GMDS: variants seen among roughly 807,000 people sequenced by gnomAD.
GMDS encodes GDP-mannose 4,6-dehydratase.
Under a neutral mutation model 49.9 loss-of-function variants are expected in GMDS, and 20 were observed. The ratio of observed to expected loss-of-function variants is 0.40; its 90% CI spans 0.28 to 0.58. The LOEUF (loss-of-function observed/expected upper bound fraction) is 0.58, where lower values mean the gene tolerates loss of function less well. Ranked by LOEUF, GMDS falls within the 20% of genes least tolerant of loss-of-function variation. The pLI, the probability that GMDS is intolerant of heterozygous loss-of-function variation, is 0.42. For missense variants in GMDS, 362 were observed against 481.4 expected (o/e 0.75, Z 2.32); for synonymous variants, 177 against 178.6 (o/e 0.99, Z 0.07).
chr6:2,075,267 GA>G (rs1772263847), intron 4 of GMDS, among the ~76,000 whole-genome samples: 1 of 151,828 alleles, frequency 6.6e-6, no homozygotes, highest in Non-Finnish European at 1.5e-5. Flanking sequence ...TTTTTTACAG[GA>G]AAGTGGATTT....
At chr6:2,161,879 T>G (rs1289781104) in intron 1 of GMDS, among the ~76,000 whole-genome samples, 1 of 152,164 alleles carries the variant, frequency 6.6e-6, no homozygotes, top group African/African-American at 2.4e-5. Flanking sequence ...AGCCAAGACC[T>G]CATTCAAGCA....
chr6:1,721,083 A>G (rs952712455), intron 9 of GMDS, among the ~76,000 whole-genome samples: 10 of 152,194 alleles, frequency 6.6e-5, no homozygotes, highest in Non-Finnish European at 5.9e-5. Context: ...TGAGGTCTGG[A>G]AAGTGTTACA....
intron 7 of GMDS, among the ~76,000 whole-genome samples, chr6:1,893,908 C>G (rs369546737): frequency 6.6e-6 from 1 of 152,154 alleles, no homozygotes; most frequent in East Asian, 1.9e-4. Flanking sequence ...CTTTGCCCAG[C>G]CCCGCTGGCA....
chr6:1,930,239 A>G lies in GMDS; in HGVS notation c.644-9T>C. The G allele has an allele frequency of 6.2e-7, 1 of 1,612,028 alleles. No homozygotes were observed. The highest frequency in any genetic ancestry group is 8.5e-7 in the Non-Finnish European group (1 of 1,178,754). On this transcript the variant is annotated splice_polypyrimidine_tract_variant and intron_variant, in intron 6 of 10. Transcript: ENST00000380815. ...AGTAACGAAATTAGCTCCTAAAAAG[A>G]GGCAAAAGATGTAGTATCAGTCAAG...
chr6:2,059,726 A>AAAAAAAAAAAAAAAAG (rs1771024357), intron 4 of GMDS, among the ~76,000 whole-genome samples: 1 of 140,820 alleles, frequency 7.1e-6, no homozygotes, highest in Non-Finnish European at 1.5e-5. Context: ...AAAAAAAAAA[A>AAAAAAAAAAAAAAAAG]ATGCACTACT....
intron 7 of GMDS, among the ~76,000 whole-genome samples, chr6:1,890,936 C>T (rs2113839995): frequency 6.6e-6 from 1 of 152,284 alleles, no homozygotes; most frequent in East Asian, 1.9e-4. Flanking sequence ...AGCTAGGATC[C>T]ATTTTGAGTT....
chr6:1,827,209 ACACT>A (rs1771163341), intron 7 of GMDS, among the ~76,000 whole-genome samples: 1 of 151,680 alleles, frequency 6.6e-6, no homozygotes, highest in Non-Finnish European at 1.5e-5. Flanking sequence ...TCCTGGATAC[ACACT>A]CGCTTCAAGG....
At chr6:1,653,156 T>C (rs1271725995) in intron 9 of GMDS, among the ~76,000 whole-genome samples, 1 of 151,944 alleles carries the variant, frequency 6.6e-6, no homozygotes, top group Non-Finnish European at 1.5e-5. Flanking sequence ...CCATCTACAC[T>C]CTTATTTGTA....
At chr6:1,855,964 T>C (rs1757920970) in intron 7 of GMDS, among the ~76,000 whole-genome samples, 1 of 152,178 alleles carries the variant, frequency 6.6e-6, no homozygotes, top group Admixed American at 6.5e-5. Context: ...TATAAATACA[T>C]ATTCATACAG....
chr6:1,817,118 C>T (rs557188815), intron 7 of GMDS, among the ~76,000 whole-genome samples: 1 of 150,468 alleles, frequency 6.6e-6, no homozygotes, highest in South Asian at 2.1e-4. Context: ...TACACACACA[C>T]ACACACACAC....
intron 7 of GMDS, among the ~76,000 whole-genome samples, chr6:1,849,927 T>C (rs373792008): frequency 3.9e-5 from 6 of 152,164 alleles, no homozygotes; most frequent in Admixed American, 6.5e-5. Flanking sequence ...TTTTGCAAAA[T>C]AGGAAGTTCG....
intron 8 of GMDS, among the ~76,000 whole-genome samples, chr6:1,730,954 G>A (rs1199226196): frequency 6.6e-6 from 1 of 152,024 alleles, no homozygotes; most frequent in South Asian, 2.1e-4. Flanking sequence ...GAACAAGCAG[G>A]GGGAGGAGAA....
At chr6:1,928,657 T>C (rs866134162) in intron 7 of GMDS, among the ~76,000 whole-genome samples, 10 of 152,250 alleles carry the variant, frequency 6.6e-5, no homozygotes, top group Middle Eastern at 3.4e-3. Flanking sequence ...TTTGTAATTA[T>C]AGCTTAGAAG....
At position 1,821,619 on chromosome 6, in the gene GMDS, T is replaced by G. The variant is rs1354085501; in HGVS notation, c.772-79033A>C. On this transcript the variant is annotated intron_variant, in intron 7 of 10. Transcript: ENST00000380815. ...CTGCTAACAATTTATTTGTTTTTTT[T>G]TTTTTTTTTTTTTTTTTTTACCAAG... Among the ~76,000 whole-genome samples, 11 of 40,448 alleles carry G rather than the reference T, an allele frequency of 2.7e-4. No individual in the cohort carries two copies. In the East Asian group the frequency reaches 3.6e-3, roughly 13 times the overall value. 26.5% of individuals were successfully genotyped at this position (40,448 alleles called of 152,430 possible).
chr6:1,922,451 G>C (rs529532666), intron 7 of GMDS, among the ~76,000 whole-genome samples: 21 of 152,304 alleles, frequency 1.4e-4, no homozygotes, highest in African/African-American at 5.1e-4. Flanking sequence ...GCAGACAGGG[G>C]CAGGTCCCTG....
intron 7 of GMDS, among the ~76,000 whole-genome samples, chr6:1,825,091 A>C (rs1771050453): frequency 6.6e-6 from 1 of 152,186 alleles, no homozygotes; most frequent in Non-Finnish European, 1.5e-5. Flanking sequence ...GAGATGTTAG[A>C]TCCTTCACTT....
At chr6:2,130,598 G>A (rs1775681999) in intron 1 of GMDS, among the ~76,000 whole-genome samples, 1 of 152,196 alleles carries the variant, frequency 6.6e-6, no homozygotes, top group Non-Finnish European at 1.5e-5. Context: ...ATTGGGTGAT[G>A]AGTGTAAGGC....
intron 4 of GMDS, 107 bp from the exon 5 acceptor site, chr6:1,961,073 G>A: frequency 1.8e-6 from 1 of 554,138 alleles, no homozygotes; most frequent in African/African-American, 1.8e-5. Context: ...ATGTTGGTGA[G>A]AAAATATTAT....
At chr6:1,819,202 C>T (rs1770789077) in intron 7 of GMDS, among the ~76,000 whole-genome samples, 1 of 151,876 alleles carries the variant, frequency 6.6e-6, no homozygotes, top group South Asian at 2.1e-4. Context: ...GCAGTGGCCA[C>T]ACCTAAGAAA....
Sources: gnomAD v4.1 joint callset for allele counts (sites outside exome capture counted in the v4.1 genomes callset) on GRCh38, gnomAD v4.1.1 for gene constraint, MANE v1.5 for transcripts, NCBI Gene and HGNC (gene_info 2026-07-23, HGNC 2026-07-21) for gene names.